The following CAMK1D variants were observed in gnomAD, a reference collection of about 807,000 sequenced individuals.
The protein encoded by CAMK1D is calcium/calmodulin-dependent protein kinase type 1D.
CAMK1D carries 9 observed loss-of-function variants against 47.7 expected under a neutral mutation model. The observed-to-expected ratio is 0.19, with a 90% confidence interval of 0.11 to 0.33. CAMK1D has a LOEUF of 0.33. CAMK1D is among the 10% of genes least tolerant of loss of function. The probability of loss-of-function intolerance (pLI) is 1.00; values close to 1 mark genes in which losing one functional copy is unlikely to be tolerated. For missense variants in CAMK1D, 291 were observed against 488.7 expected, an observed-to-expected ratio of 0.60 and a Z score of 3.81; for synonymous variants, 184 against 184.9, an observed-to-expected ratio of 0.99 and a Z score of 0.04.
At chr10:12,551,329 A>ATC (rs773691964) in intron 1 of CAMK1D, among the ~76,000 whole-genome samples, 3 of 152,168 alleles carry the variant, frequency 2.0e-5, no homozygotes, top group Non-Finnish European at 4.4e-5. Context: ...ATGCCTGATG[A>ATC]TCTGTCACTG....
intron 1 of CAMK1D, among the ~76,000 whole-genome samples, chr10:12,442,723 C>T (rs773722657): frequency 6.6e-6 from 1 of 152,076 alleles, no homozygotes; most frequent in Non-Finnish European, 1.5e-5. Flanking sequence ...GGTTTTATAT[C>T]GAGTGTTTTT....
chr10:12,657,902 G>C (rs1840163694), intron 2 of CAMK1D, among the ~76,000 whole-genome samples: 1 of 152,090 alleles, frequency 6.6e-6, no homozygotes, highest in South Asian at 2.1e-4. Flanking sequence ...TGTAATCCCA[G>C]CACCTTGGGA....
chr10:12,525,308 A>G (rs1441567466), intron 1 of CAMK1D, among the ~76,000 whole-genome samples: 3 of 151,966 alleles, frequency 2.0e-5, no homozygotes, highest in South Asian at 2.1e-4. Context: ...CTTTCTTTCA[A>G]TATTTTTTTT....
intron 3 of CAMK1D, among the ~76,000 whole-genome samples, chr10:12,758,558 C>T (rs1836343610): frequency 6.6e-6 from 1 of 152,214 alleles, no homozygotes; most frequent in Admixed American, 6.5e-5. Context: ...ACAGTACATG[C>T]TATCCTTTGA....
chr10:12,368,072 G>A, intron 1 of CAMK1D, among the ~76,000 whole-genome samples: 1 of 152,090 alleles, frequency 6.6e-6, no homozygotes, highest in East Asian at 1.9e-4. Flanking sequence ...GGCGCCTGTA[G>A]TCCCAGCTAC....
chr10:12,666,649 G>A (rs559948716), intron 2 of CAMK1D, 87 bp from the exon 3 acceptor site: 2 of 1,060,020 alleles, frequency 1.9e-6, no homozygotes, highest in African/African-American at 3.2e-5. Context: ...ATTCTGTTTT[G>A]TAACTTTTTG....
intron 3 of CAMK1D, among the ~76,000 whole-genome samples, chr10:12,708,169 C>T (rs1588830788): frequency 6.6e-6 from 1 of 152,176 alleles, no homozygotes. Context: ...AATAGTCCCC[C>T]CAGAGGTTCC....
chr10:12,412,001 C>T (rs1285107264), intron 1 of CAMK1D, among the ~76,000 whole-genome samples: 1 of 152,166 alleles, frequency 6.6e-6, no homozygotes, highest in Non-Finnish European at 1.5e-5. Flanking sequence ...GTCTTTACAC[C>T]AGTCTTGCTT....
At chr10:12,615,543 CATGTGTAGTT>C (rs1258643343) in intron 2 of CAMK1D, among the ~76,000 whole-genome samples, 3 of 146,050 alleles carry the variant, frequency 2.1e-5, no homozygotes, top group Admixed American at 6.7e-5. Context: ...TGCATGTGTA[CATGTGTAGTT>C]ATGTGTGTAT....
intron 1 of CAMK1D, among the ~76,000 whole-genome samples, chr10:12,484,510 G>A (rs1292783946): frequency 6.6e-6 from 1 of 152,188 alleles, no homozygotes; most frequent in Non-Finnish European, 1.5e-5. Flanking sequence ...TTAATTATAG[G>A]AGAGAGCAGA....
chr10:12,760,728 T>G, intron 3 of CAMK1D: 1 of 499,248 alleles, frequency 2.0e-6, no homozygotes, highest in Non-Finnish European at 3.6e-6. Context: ...GGTCCGTGGA[T>G]CGTGTTTTTT....
intron 6 of CAMK1D, among the ~76,000 whole-genome samples, 188 bp downstream of exon 6, chr10:12,791,421 C>T (rs542813284): frequency 9.2e-5 from 14 of 152,196 alleles, no homozygotes; most frequent in Non-Finnish European, 2.1e-4. Flanking sequence ...TTACTATTCA[C>T]TTCTAGAACT....
chr10:12,715,560 A>C (rs555727485), intron 3 of CAMK1D, among the ~76,000 whole-genome samples: 9 of 152,304 alleles, frequency 5.9e-5, no homozygotes, highest in African/African-American at 2.2e-4. Context: ...ATTTGTGGGA[A>C]AATCTAGCTT....
At chr10:12,757,030 C>T (rs544010980) in intron 3 of CAMK1D, among the ~76,000 whole-genome samples, 1 of 152,314 alleles carries the variant, frequency 6.6e-6, no homozygotes, top group African/African-American at 2.4e-5. Flanking sequence ...TTGACTATCT[C>T]TTCTGTCTTC....
intron 3 of CAMK1D, among the ~76,000 whole-genome samples, chr10:12,700,914 A>C (rs1351125727): frequency 6.6e-6 from 1 of 152,210 alleles, no homozygotes; most frequent in African/African-American, 2.4e-5. Flanking sequence ...CTTACATTCT[A>C]ATGTTCTTAA....
intron 6 of CAMK1D, among the ~76,000 whole-genome samples, chr10:12,791,596 C>T (rs760050610): frequency 3.7e-4 from 56 of 152,330 alleles, no homozygotes; most frequent in Admixed American, 8.5e-4. Flanking sequence ...TGATGTCAGG[C>T]ATATTTTACT....
At chr10:12,819,060 G>A (rs766949) in intron 8 of CAMK1D, among the ~76,000 whole-genome samples, 16,439 of 152,174 alleles carry the variant, frequency 0.11, 2,159 homozygotes, top group African/African-American at 0.32. Context: ...GTGCTTGTTG[G>A]TAATCCATAC....
chr10:12,506,195 G>A lies in CAMK1D; in HGVS notation c.93-47030G>A, dbSNP rs182329795. Among the ~76,000 whole-genome samples the A allele has an allele frequency of 3.2e-4, 49 of 152,216 alleles. 1 individual carries two copies. In the East Asian group the frequency reaches 5.0e-3, roughly 16 times the overall value. On this transcript the variant is annotated intron_variant, in intron 1 of 10. Coordinates refer to ENST00000619168, the MANE Select transcript of CAMK1D (RefSeq NM_153498.4). Reference sequence around the variant, plus strand: ...GCACTTTGGGAGGCTGAGGTGGGAGGATCACTTGAGGCCAGGAGTTCGAGA... The same window carrying A: ...GCACTTTGGGAGGCTGAGGTGGGAGAATCACTTGAGGCCAGGAGTTCGAGA...
chr10:12,458,524 C>G (rs1331490215), intron 1 of CAMK1D, among the ~76,000 whole-genome samples: 1 of 152,162 alleles, frequency 6.6e-6, no homozygotes, highest in African/African-American at 2.4e-5. Context: ...TCAAGTGATC[C>G]TCCCACCTCA....
Sources: gnomAD v4.1 joint callset for allele counts (sites outside exome capture counted in the v4.1 genomes callset) on GRCh38, gnomAD v4.1.1 for gene constraint, MANE v1.5 for transcripts, NCBI Gene and HGNC (gene_info 2026-07-23, HGNC 2026-07-21) for gene names.